Variants in GMPS observed in about 807,000 individuals in gnomAD.
GMPS encodes guanosine monophosphate synthase.
In GMPS, 15 loss-of-function variants were observed where a neutral mutation model predicts 77.9. The observed-to-expected ratio is 0.19, with a 90% confidence interval of 0.13 to 0.30. The LOEUF is 0.30. Ranked by LOEUF, GMPS falls within the 10% of genes least tolerant of loss-of-function variation. The pLI, the probability that GMPS is intolerant of heterozygous loss-of-function variation, is 1.00. For synonymous variants in GMPS, 224 were observed against 275.9 expected (o/e 0.81, Z 1.86); for missense variants, 590 against 838.8 (o/e 0.70, Z 3.66).
Position 155,935,047 on chromosome 3 carries a change from G to A in GMPS, c.1807+1G>A, listed in dbSNP as rs1755728630. ...GCCCATAACATTCTCAGGGAGTCTG[G>A]TAAGTTGCTCATGTTTTTGATTACT... On this transcript the variant is annotated splice_donor_variant, in intron 14 of 15. Transcript: ENST00000496455. LOFTEE classifies it high-confidence loss of function. 3 of 1,607,542 alleles carry A rather than the reference G, an allele frequency of 1.9e-6. No homozygotes were observed. The highest frequency in any genetic ancestry group is 1.3e-5 in the African/African-American group (1 of 74,782).
chr3:155,916,245 T>TGTA, intron 9 of GMPS, 53 bp downstream of exon 9: 2 of 1,108,230 alleles, frequency 1.8e-6, no homozygotes, highest in Non-Finnish European at 2.7e-6. Flanking sequence ...AAGTCTTCCA[T>TGTA]TCTTCCCTCC....
chr3:155,901,862 C>G (rs375124607), intron 3 of GMPS, among the ~76,000 whole-genome samples: 1 of 152,036 alleles, frequency 6.6e-6, no homozygotes. Context: ...CTTTTCCCAA[C>G]TATATATATT....
Position 155,931,978 on chromosome 3 carries a change from A to T in GMPS, c.1676+98A>T, listed in dbSNP as rs1208184656. The T allele has an allele frequency of 1.3e-5, 8 of 633,142 alleles. No homozygotes were observed. In the Admixed American group the frequency reaches 1.9e-4, roughly 15 times the overall value. The allele number at this position is 633,142 out of a possible 1,614,324, so 39.2% of individuals were successfully genotyped here. A position where few individuals can be genotyped will look rare whatever the true frequency, so the allele number is the denominator to read the frequency against. On this transcript the variant is annotated intron_variant, in intron 13 of 15. Transcript: ENST00000496455. ...GGAAGACCAAAAGGCTCAAATGTAG[A>T]TATAGGTAGGTCATGTAGATAAGAG...
chr3:155,921,533 A>G (rs1164864517), intron 10 of GMPS, among the ~76,000 whole-genome samples: 1 of 152,080 alleles, frequency 6.6e-6, no homozygotes, highest in Non-Finnish European at 1.5e-5. Context: ...GGATAGGCCA[A>G]GTGCAGTCAG....
In GMPS at chr3:155,939,208, G is replaced by T. The variant is rs908923658; in HGVS notation, c.*1516G>T. ...TTAAAGGGTACATTCTCTATCTGAT[G>T]AGGAGGTACTCATTATGGCCTTCTG... On this transcript the variant is annotated 3_prime_UTR_variant, in exon 16 of 16. Coordinates refer to ENST00000496455, the MANE Select transcript of GMPS (RefSeq NM_003875.3). 9.1e-6 allele frequency: 2 copies of T among 220,780 alleles called. No homozygotes were observed. Among genetic ancestry groups the T allele is most frequent in the Non-Finnish European group, 1.8e-5 (2 of 110,276 alleles). The allele number at this position is 220,780 out of a possible 1,614,324, so 13.7% of individuals were successfully genotyped here. A position where few individuals can be genotyped will look rare whatever the true frequency, so the allele number is the denominator to read the frequency against.
rs200068419 is a variant in GMPS at position 155,938,054 on chromosome 3, C to T, written c.*362C>T. On this transcript the variant is annotated 3_prime_UTR_variant, in exon 16 of 16. Transcript: ENST00000496455. Reference sequence around the variant, plus strand: ...CTGTCTCCTTACCAGTTTCTAAGAACTGTTAGAAACGCCCATTATTTACCA... The same window carrying T: ...CTGTCTCCTTACCAGTTTCTAAGAATTGTTAGAAACGCCCATTATTTACCA... 3.2e-4 allele frequency: 80 copies of T among 246,418 alleles called. 1 individual carries two copies. In the East Asian group the frequency reaches 4.5e-3, roughly 14 times the overall value. The allele number at this position is 246,418 out of a possible 1,614,324, so 15.3% of individuals were successfully genotyped here.
chr3:155,882,648 A>G (rs1754238056), intron 1 of GMPS, among the ~76,000 whole-genome samples: 1 of 152,220 alleles, frequency 6.6e-6, no homozygotes. Context: ...TTTAAAATCC[A>G]ATATATTTTA....
chr3:155,917,626 G>C (rs979113255), intron 9 of GMPS, among the ~76,000 whole-genome samples: 1 of 151,516 alleles, frequency 6.6e-6, no homozygotes, highest in Non-Finnish European at 1.5e-5. Context: ...CATGCCTAGC[G>C]CTTTGGGAGG....
rs1256120415 is a variant in GMPS, at chr3:155,936,482, C to T, written c.1952C>T (p.Ala651Val). 6.2e-7 allele frequency: 1 copy of T among 1,604,904 alleles called. No homozygotes were observed. Residue 651 changes from alanine (A) to valine (V), a missense_variant, in exon 15 of 16, where the codon GCA (alanine) becomes GTA (valine). By Grantham distance (64) the Ala-to-Val change is moderately conservative. Transcript: ENST00000496455. ...ITSDFMTGIP[A>V]TPGNEIPVEV... is the part of the protein sequence containing the mutation. ...AGTGACTTCATGACTGGTATACCTGCAACACCTGGCAATGAGATCCCTGTA... is the reference window on the plus strand; with the variant it reads ...AGTGACTTCATGACTGGTATACCTGTAACACCTGGCAATGAGATCCCTGTA...
intron 2 of GMPS, 82 bp downstream of exon 2, chr3:155,893,781 A>G: frequency 1.4e-6 from 1 of 714,622 alleles, no homozygotes; most frequent in South Asian, 3.0e-5. Flanking sequence ...TGAGCACTGA[A>G]TTTTTCTACG....
rs1330315070 is a variant in GMPS, at chr3:155,940,309, G to A, written c.*2617G>A. On this transcript the variant is annotated 3_prime_UTR_variant, in exon 16 of 16. Transcript: ENST00000496455. ...GGCCACATCTATGATCATCAGCTCT[G>A]TTAGAAATAACAGCCTGGCATAATT... 4 of 202,720 alleles carry A rather than the reference G, an allele frequency of 2.0e-5. No individual in the cohort carries two copies. In the South Asian group the frequency reaches 7.6e-4, roughly 39 times the overall value. 12.6% of individuals were successfully genotyped at this position (202,720 alleles called of 1,614,324 possible).
chr3:155,918,603 C>T (rs1302265299), intron 9 of GMPS, among the ~76,000 whole-genome samples: 1 of 152,044 alleles, frequency 6.6e-6, no homozygotes, highest in African/African-American at 2.4e-5. Context: ...AATGTCTATT[C>T]GTATCCTTTG....
chr3:155,908,255 G>A (rs548443607), intron 5 of GMPS, among the ~76,000 whole-genome samples: 1 of 152,230 alleles, frequency 6.6e-6, no homozygotes, highest in African/African-American at 2.4e-5. Context: ...CCTACTGGGA[G>A]AACAGGGTGG....
intron 11 of GMPS, among the ~76,000 whole-genome samples, chr3:155,923,387 T>A (rs965084077): frequency 3.9e-5 from 6 of 151,922 alleles, no homozygotes; most frequent in African/African-American, 1.2e-4. Flanking sequence ...TAGAAAAAAA[T>A]GTATTAATTC....
At chr3:155,875,008 AGTGATCCTTGT>A (rs1754009765) in intron 1 of GMPS, among the ~76,000 whole-genome samples, 1 of 148,708 alleles carries the variant, frequency 6.7e-6, no homozygotes, top group African/African-American at 2.5e-5. Context: ...CCCTGGTTCA[AGTGATCCTTGT>A]GTGATCCTTG....
intron 3 of GMPS, among the ~76,000 whole-genome samples, chr3:155,901,206 A>G (rs1481403338): frequency 6.6e-6 from 1 of 151,916 alleles, no homozygotes; most frequent in Non-Finnish European, 1.5e-5. Context: ...TCTTTTTTTT[A>G]TGGCTTTATG....
Position 155,943,926 on chromosome 3 carries a change from A to G in GMPS, c.*6234A>G, listed in dbSNP as rs563676725. ...TTTGCTCAATGTTAACGGGGGACATAATGGACATAAAACATTGGATAGCTT... is the reference window on the plus strand; with the variant it reads ...TTTGCTCAATGTTAACGGGGGACATGATGGACATAAAACATTGGATAGCTT... On this transcript the variant is annotated 3_prime_UTR_variant, in exon 16 of 16. Coordinates refer to ENST00000496455, the MANE Select transcript of GMPS (RefSeq NM_003875.3). 1 of 152,460 alleles carries G rather than the reference A, an allele frequency of 6.6e-6. No homozygotes were observed. The highest frequency in any genetic ancestry group is 2.1e-4 in the South Asian group (1 of 4,816). The allele number at this position is 152,460 out of a possible 1,614,324, so 9.4% of individuals were successfully genotyped here. A position where few individuals can be genotyped will look rare whatever the true frequency, so the allele number is the denominator to read the frequency against.
chr3:155,897,427 C>A (rs1392675265), intron 2 of GMPS, among the ~76,000 whole-genome samples: 2 of 152,162 alleles, frequency 1.3e-5, no homozygotes, highest in Admixed American at 6.6e-5. Context: ...ATGGTGGATG[C>A]TGTAAACAGG....
chr3:155,880,746 G>T (rs1006448244), intron 1 of GMPS, among the ~76,000 whole-genome samples: 4 of 152,018 alleles, frequency 2.6e-5, no homozygotes, highest in African/African-American at 9.7e-5. Flanking sequence ...CAGTTATTAA[G>T]AAAATCTCTG....
Sources: gnomAD v4.1 joint callset for allele counts (sites outside exome capture counted in the v4.1 genomes callset) on GRCh38, gnomAD v4.1.1 for gene constraint, MANE v1.5 for transcripts, NCBI Gene and HGNC (gene_info 2026-07-23, HGNC 2026-07-21) for gene names.